Variants in KIAA1217 observed in about 807,000 individuals in gnomAD.
KIAA1217 encodes the protein sickle tail protein homolog.
Under a neutral mutation model 163.9 loss-of-function variants are expected in KIAA1217, and 88 were observed. That is an observed-to-expected ratio of 0.54 (90% CI 0.45 to 0.64). KIAA1217 has a LOEUF of 0.64. Ranked by LOEUF, KIAA1217 falls within the 30% of genes least tolerant of loss-of-function variation. The pLI is 0.00. For missense variants in KIAA1217, 2,372 were observed against 2,475.0 expected (o/e 0.96, Z 0.88); for synonymous variants, 903 against 923.1 (o/e 0.98, Z 0.39).
chr10:24,351,028 A>G (rs992170878), intron 2 of KIAA1217, among the ~76,000 whole-genome samples: 2 of 149,820 alleles, frequency 1.3e-5, no homozygotes, highest in African/African-American at 4.9e-5. Context: ...GCTTACTGCA[A>G]CCTCCGCCTC....
chr10:23,764,550 C>G (rs542597567), intron 1 of KIAA1217, among the ~76,000 whole-genome samples: 3 of 152,106 alleles, frequency 2.0e-5, no homozygotes, highest in African/African-American at 7.2e-5. Flanking sequence ...AACCCAAATG[C>G]CCAGCAATGA....
intron 1 of KIAA1217, among the ~76,000 whole-genome samples, chr10:23,975,674 C>T (rs1248721941): frequency 6.6e-6 from 1 of 152,114 alleles, no homozygotes; most frequent in Non-Finnish European, 1.5e-5. Flanking sequence ...TCCATGCTAA[C>T]TTTGAGATAC....
chr10:24,345,278 T>C (rs1440110039), intron 2 of KIAA1217, among the ~76,000 whole-genome samples: 2 of 152,210 alleles, frequency 1.3e-5, no homozygotes, highest in East Asian at 1.9e-4. Flanking sequence ...AGTGCTTGGC[T>C]TGAGTTCCCC....
Position 24,491,682 on chromosome 10 carries a change from C to G in KIAA1217, c.1680-2818C>G, listed in dbSNP as rs554528086. Among the ~76,000 whole-genome samples the G allele has an allele frequency of 4.7e-4, 71 of 152,238 alleles. No homozygotes were observed. In the South Asian group the frequency reaches 0.014, roughly 31 times the overall value. On this transcript the variant is annotated intron_variant, in intron 6 of 20. Transcript: ENST00000376454. The stretch of plus-strand genomic sequence containing the variant: ...GAAGCAGAAAGAAGGCTGGTCTAGC[C>G]CTAACCAGCATTGTTCTTGTGGCCA...
intron 2 of KIAA1217, among the ~76,000 whole-genome samples, chr10:24,246,976 G>A (rs939951383): frequency 6.6e-6 from 1 of 151,176 alleles, no homozygotes; most frequent in African/African-American, 2.4e-5. Flanking sequence ...TCACACCACT[G>A]CACTCCAGCC....
intron 1 of KIAA1217, among the ~76,000 whole-genome samples, chr10:23,807,012 C>T (rs1378135547): frequency 6.6e-6 from 1 of 152,206 alleles, no homozygotes; most frequent in Non-Finnish European, 1.5e-5. Flanking sequence ...ACTATAACAG[C>T]TATCTCCTCA....
intron 2 of KIAA1217, among the ~76,000 whole-genome samples, chr10:24,271,794 A>G (rs2076794157): frequency 6.6e-6 from 1 of 151,786 alleles, no homozygotes. Context: ...GTGCACACGC[A>G]GGCCTTTTAA....
chr10:24,041,371 T>C (rs940401270), intron 2 of KIAA1217, among the ~76,000 whole-genome samples: 2 of 152,248 alleles, frequency 1.3e-5, no homozygotes, highest in African/African-American at 4.8e-5. Flanking sequence ...TTGAAAAATG[T>C]GACCCCTTGA....
At chr10:24,345,917 T>C (rs2047691050) in intron 2 of KIAA1217, among the ~76,000 whole-genome samples, 1 of 152,216 alleles carries the variant, frequency 6.6e-6, no homozygotes, top group Non-Finnish European at 1.5e-5. Flanking sequence ...TCAGAACTTT[T>C]TCATCTTGTA....
At chr10:24,343,645 G>A (rs909861782) in intron 2 of KIAA1217, among the ~76,000 whole-genome samples, 1 of 152,096 alleles carries the variant, frequency 6.6e-6, no homozygotes, top group Non-Finnish European at 1.5e-5. Context: ...TGTATTTTTA[G>A]AAAGAACTTC....
intron 1 of KIAA1217, among the ~76,000 whole-genome samples, chr10:23,818,873 G>A (rs1431568603): frequency 1.3e-5 from 2 of 152,124 alleles, no homozygotes; most frequent in Admixed American, 6.5e-5. Context: ...ATTTCTGATA[G>A]CCCTGAGATT....
Position 23,760,524 on chromosome 10 carries a change from C to T in KIAA1217, c.-321+65290C>T, listed in dbSNP as rs575464689. Among the ~76,000 whole-genome samples the T allele has an allele frequency of 1.8e-4, 27 of 152,234 alleles. 1 individual carries two copies. Among genetic ancestry groups the T allele is most frequent in the African/African-American group, 6.5e-4 (27 of 41,540 alleles). ...TGTGCAGAAGTTGAATTCTAGCAGT[C>T]GCAGTAGCACATCTGTTTCAGTGTT... On this transcript the variant is annotated intron_variant, in intron 1 of 18. Coordinates refer to the KIAA1217 transcript ENST00000376462.
intron 2 of KIAA1217, among the ~76,000 whole-genome samples, chr10:24,233,064 G>C (rs894022795): frequency 1.3e-5 from 2 of 151,792 alleles, no homozygotes; most frequent in Non-Finnish European, 1.5e-5. Flanking sequence ...AGTCAAGGCT[G>C]CAGTGAGTCA....
At chr10:24,305,617 G>A (rs2041922643) in intron 2 of KIAA1217, among the ~76,000 whole-genome samples, 2 of 152,180 alleles carry the variant, frequency 1.3e-5, no homozygotes, top group African/African-American at 2.4e-5. Flanking sequence ...CAGCTTGAGC[G>A]GTTAGAAGCA....
intron 1 of KIAA1217, among the ~76,000 whole-genome samples, chr10:24,211,266 A>G (rs2068038027): frequency 1.3e-5 from 2 of 151,930 alleles, no homozygotes; most frequent in African/African-American, 4.8e-5. Context: ...ATTGAGAGGT[A>G]ATCCCAGGCC....
At chr10:24,069,779 A>G (rs765302662) in intron 2 of KIAA1217, among the ~76,000 whole-genome samples, 1 of 152,178 alleles carries the variant, frequency 6.6e-6, no homozygotes, top group Non-Finnish European at 1.5e-5. Context: ...TGCTTCCTAT[A>G]CTGTCATCTT....
chr10:23,938,861 T>G (rs1843642443), intron 1 of KIAA1217, among the ~76,000 whole-genome samples: 1 of 152,180 alleles, frequency 6.6e-6, no homozygotes, highest in East Asian at 1.9e-4. Context: ...GGTATGACAT[T>G]CAATAAAAAT....
chr10:24,309,348 GCGCACACACA>G (rs2042403250), intron 2 of KIAA1217, among the ~76,000 whole-genome samples: 1 of 125,470 alleles, frequency 8.0e-6, no homozygotes, highest in South Asian at 3.0e-4. Context: ...GCACGCGCGC[GCGCACACACA>G]CACACACACA....
intron 5 of KIAA1217, among the ~76,000 whole-genome samples, chr10:24,444,574 C>T (rs1196370888): frequency 6.6e-6 from 1 of 152,180 alleles, no homozygotes; most frequent in Non-Finnish European, 1.5e-5. Flanking sequence ...GCATCTTAAC[C>T]CCTGGTGAGT....
Sources: gnomAD v4.1 joint callset for allele counts (sites outside exome capture counted in the v4.1 genomes callset) on GRCh38, gnomAD v4.1.1 for gene constraint, MANE v1.5 for transcripts, NCBI Gene and HGNC (gene_info 2026-07-23, HGNC 2026-07-21) for gene names.